Variants in MARCHF4 observed in about 807,000 individuals in gnomAD.
The protein encoded by MARCHF4 is E3 ubiquitin-protein ligase MARCHF4.
MARCHF4 carries 14 observed loss-of-function variants against 43.9 expected under a neutral mutation model. The ratio of observed to expected loss-of-function variants is 0.32; its 90% CI spans 0.21 to 0.50. The LOEUF is 0.50. Among genes scored for constraint, MARCHF4 ranks in the 20% least tolerant of loss-of-function variants. The probability of loss-of-function intolerance (pLI) is 0.98; values close to 1 mark genes in which losing one functional copy is unlikely to be tolerated. For synonymous variants in MARCHF4, 226 were observed against 213.3 expected (o/e 1.06, Z -0.52); for missense variants, 468 against 536.7 (o/e 0.87, Z 1.27).
intron 1 of MARCHF4, among the ~76,000 whole-genome samples, chr2:216,325,180 CAGAG>C (rs1391045535): frequency 5.3e-5 from 8 of 152,116 alleles, no homozygotes; most frequent in Admixed American, 3.3e-4. Context: ...AAGAGACAAA[CAGAG>C]AGCCAGATCA....
Position 216,323,087 on chromosome 2 carries a change from G to A in MARCHF4, c.517-39358C>T, listed in dbSNP as rs542502292. Among the ~76,000 whole-genome samples, 19 of 152,278 alleles carry A rather than the reference G, an allele frequency of 1.2e-4. No individual in the cohort carries two copies. The South Asian group carries it at 3.9e-3, about 32-fold the overall frequency. Reference sequence around the variant, plus strand: ...TCTGAGAGGCTTGGGTTTTCTGAATGAGTGTACCTAATATTGAATAAGCAA... The same window carrying A: ...TCTGAGAGGCTTGGGTTTTCTGAATAAGTGTACCTAATATTGAATAAGCAA... On this transcript the variant is annotated intron_variant, in intron 1 of 3. Transcript: ENST00000273067.
At chr2:216,343,053 G>T (rs78380861) in intron 1 of MARCHF4, among the ~76,000 whole-genome samples, 1 of 152,134 alleles carries the variant, frequency 6.6e-6, no homozygotes, top group African/African-American at 2.4e-5. Flanking sequence ...CCAAAGGACT[G>T]GGACTGGTGG....
chr2:216,274,735 A>G (rs1690994139), intron 3 of MARCHF4, among the ~76,000 whole-genome samples: 1 of 152,164 alleles, frequency 6.6e-6, no homozygotes, highest in Admixed American at 6.5e-5. Context: ...CTTTCCTATG[A>G]AAACCCTGAA....
intron 1 of MARCHF4, among the ~76,000 whole-genome samples, chr2:216,360,819 T>A (rs1274710987): frequency 6.6e-6 from 1 of 152,138 alleles, no homozygotes; most frequent in Non-Finnish European, 1.5e-5. Context: ...CTGGTGGGAT[T>A]TTTTTTGCTT....
At chr2:216,283,067 G>A (rs1259172047) in intron 2 of MARCHF4, among the ~76,000 whole-genome samples, 1 of 152,116 alleles carries the variant, frequency 6.6e-6, no homozygotes, top group Non-Finnish European at 1.5e-5. Context: ...TGTATGAGAA[G>A]GGCCATTGAG....
chr2:216,293,099 A>G (rs1468529325), intron 1 of MARCHF4, among the ~76,000 whole-genome samples: 1 of 152,192 alleles, frequency 6.6e-6, no homozygotes, highest in Non-Finnish European at 1.5e-5. Context: ...TGCTGTTCAC[A>G]GACCAGCCAA....
At chr2:216,369,017 C>T (rs1510839) in intron 1 of MARCHF4, among the ~76,000 whole-genome samples, 80,522 of 152,080 alleles carry the variant, frequency 0.53, 23,110 homozygotes, top group East Asian at 0.79. Context: ...TCTAAGTCAA[C>T]ACACTTTTTA....
intron 3 of MARCHF4, among the ~76,000 whole-genome samples, chr2:216,275,314 C>G (rs1691001842): frequency 6.6e-6 from 1 of 152,116 alleles, no homozygotes. Flanking sequence ...AAGAAGAGAC[C>G]AGAGCACCAG....
At chr2:216,282,517 C>A (rs910998530) in intron 2 of MARCHF4, among the ~76,000 whole-genome samples, 4 of 152,148 alleles carry the variant, frequency 2.6e-5, no homozygotes, top group Admixed American at 2.6e-4. Context: ...GTGCCAGGAG[C>A]TGAAGTCCCC....
At chr2:216,352,548 G>A (rs1692418909) in intron 1 of MARCHF4, among the ~76,000 whole-genome samples, 1 of 152,036 alleles carries the variant, frequency 6.6e-6, no homozygotes, top group Non-Finnish European at 1.5e-5. Context: ...ATAGAGACAG[G>A]GTCCCACTAT....
chr2:216,364,641 C>CT (rs1224494296), intron 1 of MARCHF4, among the ~76,000 whole-genome samples: 1 of 152,186 alleles, frequency 6.6e-6, no homozygotes, highest in African/African-American at 2.4e-5. Context: ...CCTCCTTGGC[C>CT]TAAGGGCAGG....
rs761634471 is a variant in MARCHF4 at position 216,259,268 on chromosome 2, G to T, written c.*44C>A. 5 of 1,504,560 alleles carry T rather than the reference G, an allele frequency of 3.3e-6. No homozygotes were observed. Among genetic ancestry groups the T allele is most frequent in the Non-Finnish European group, 4.4e-6 (5 of 1,127,604 alleles). The allele number at this position is 1,504,560 out of a possible 1,614,324, so 93.2% of individuals were successfully genotyped here. A position where few individuals can be genotyped will look rare whatever the true frequency, so the allele number is the denominator to read the frequency against. ...CCACTGCACCTCCCCACCCTGCTCC[G>T]GGCCCTCAGTGGTGGTCATGGCCTT... On this transcript the variant is annotated 3_prime_UTR_variant, in exon 4 of 4. Transcript: ENST00000273067.
chr2:216,346,661 A>G (rs894740087), intron 1 of MARCHF4, among the ~76,000 whole-genome samples: 9 of 152,180 alleles, frequency 5.9e-5, no homozygotes, highest in Non-Finnish European at 8.8e-5. Context: ...AAGGAGATGA[A>G]AGCTTCTAAG....
At chr2:216,278,382 C>T (rs113550477) in intron 2 of MARCHF4, among the ~76,000 whole-genome samples, 33 of 152,166 alleles carry the variant, frequency 2.2e-4, no homozygotes, top group African/African-American at 7.2e-4. Context: ...CAACACCATG[C>T]GTGGCTAATT....
chr2:216,275,903 A>G (rs760179968), intron 3 of MARCHF4, among the ~76,000 whole-genome samples: 2 of 152,164 alleles, frequency 1.3e-5, no homozygotes, highest in Admixed American at 6.5e-5. Flanking sequence ...GGAAAATAGC[A>G]CACCCAGTAG....
At chr2:216,324,235 G>A (rs1459436962) in intron 1 of MARCHF4, among the ~76,000 whole-genome samples, 1 of 147,124 alleles carries the variant, frequency 6.8e-6, no homozygotes, top group African/African-American at 2.5e-5. Flanking sequence ...TAAATTCCTC[G>A]ACACATACAC....
intron 1 of MARCHF4, among the ~76,000 whole-genome samples, chr2:216,320,338 T>C (rs1001077573): frequency 1.3e-5 from 2 of 152,250 alleles, no homozygotes; most frequent in African/African-American, 4.8e-5. Context: ...TTCCAGTGAT[T>C]GAGTCCTTAC....
chr2:216,265,192 G>A (rs1438370543), intron 3 of MARCHF4, among the ~76,000 whole-genome samples: 1 of 152,144 alleles, frequency 6.6e-6, no homozygotes, highest in South Asian at 2.1e-4. Flanking sequence ...TGGGAAATGA[G>A]GGGGCATAGT....
chr2:216,270,563 TC>T (rs1690920567), intron 3 of MARCHF4, among the ~76,000 whole-genome samples: 1 of 152,126 alleles, frequency 6.6e-6, no homozygotes, highest in African/African-American at 2.4e-5. Flanking sequence ...TGCCTTCTCC[TC>T]CTTGTATTCC....
Sources: gnomAD v4.1 joint callset for allele counts (sites outside exome capture counted in the v4.1 genomes callset) on GRCh38, gnomAD v4.1.1 for gene constraint, MANE v1.5 for transcripts, NCBI Gene and HGNC (gene_info 2026-07-23, HGNC 2026-07-21) for gene names.